FKBP5: variants seen among roughly 807,000 people sequenced by gnomAD.
The protein encoded by FKBP5 is peptidyl-prolyl cis-trans isomerase FKBP5.
Under a neutral mutation model 50.5 loss-of-function variants are expected in FKBP5, and 23 were observed. The ratio of observed to expected loss-of-function variants is 0.46; its 90% CI spans 0.33 to 0.65. FKBP5 has a LOEUF of 0.65. Ranked by LOEUF, FKBP5 falls within the 30% of genes least tolerant of loss-of-function variation. The pLI is 0.02. For missense variants in FKBP5, 411 were observed against 553.1 expected, an observed-to-expected ratio of 0.74 and a Z score of 2.58; for synonymous variants, 176 against 190.6, an observed-to-expected ratio of 0.92 and a Z score of 0.63.
At chr6:35,584,004 G>A (rs1005134503) in intron 8 of FKBP5, 3 of 985,192 alleles carry the variant, frequency 3.0e-6, no homozygotes, top group African/African-American at 1.7e-5. Flanking sequence ...ACAAGGGGGC[G>A]CAAGAATCCC....
At chr6:35,586,957 T>G (rs920596601) in intron 8 of FKBP5, 77 bp downstream of exon 8, 2 of 1,602,252 alleles carry the variant, frequency 1.2e-6, no homozygotes. Flanking sequence ...AAATTCAGAG[T>G]AGGGAATATC....
intron 2 of FKBP5, among the ~76,000 whole-genome samples, chr6:35,703,630 T>C (rs905442097): frequency 6.6e-6 from 1 of 152,240 alleles, no homozygotes; most frequent in East Asian, 1.9e-4. Flanking sequence ...CCAATTCTAA[T>C]TGGCCTTTCT....
chr6:35,688,602 A>C (rs1765906543), intron 1 of FKBP5: 1 of 150,698 alleles, frequency 6.6e-6, no homozygotes, highest in African/African-American at 2.4e-5. Flanking sequence ...GGGGCGCCGC[A>C]GTGGGGCCGA....
At chr6:35,617,974 T>C (rs1469496288) in intron 5 of FKBP5, among the ~76,000 whole-genome samples, 2 of 152,218 alleles carry the variant, frequency 1.3e-5, no homozygotes, top group Non-Finnish European at 2.9e-5. Context: ...TGATATGGAA[T>C]AGAATGAACA....
At chr6:35,707,048 G>A (rs1041373329) in intron 2 of FKBP5, among the ~76,000 whole-genome samples, 1 of 152,140 alleles carries the variant, frequency 6.6e-6, no homozygotes, top group Non-Finnish European at 1.5e-5. Flanking sequence ...TTTATGGAAA[G>A]ATATGCAAGA....
intron 2 of FKBP5, among the ~76,000 whole-genome samples, chr6:35,704,025 G>A (rs897958085): frequency 7.9e-5 from 12 of 152,224 alleles, no homozygotes; most frequent in East Asian, 7.7e-4. Flanking sequence ...CCCTCCCAAC[G>A]ATTCTGTGAG....
intron 1 of FKBP5, among the ~76,000 whole-genome samples, chr6:35,687,561 A>G (rs1404896738): frequency 4.6e-5 from 7 of 152,232 alleles, no homozygotes; most frequent in Non-Finnish European, 8.8e-5. Context: ...ATATGCTTTA[A>G]CTTTTCCCTT....
rs758929949 is a variant in FKBP5, at chr6:35,653,373, T to G, written c.-19-10530A>C. ...TCTCTTAATAAAAAAAGATGGATTC[T>G]AGGACTGTAGAATAGATAGTTAAAC... On this transcript the variant is annotated intron_variant, in intron 1 of 10. Coordinates refer to ENST00000357266, the MANE Select transcript of FKBP5 (RefSeq NM_004117.4). Among the ~76,000 whole-genome samples, 67 of 152,146 alleles carry G rather than the reference T, an allele frequency of 4.4e-4. 1 individual carries two copies. The highest frequency in any genetic ancestry group is 5.3e-4 in the Non-Finnish European group (36 of 68,036).
chr6:35,652,353 C>T (rs558695386), intron 1 of FKBP5, among the ~76,000 whole-genome samples: 6 of 152,298 alleles, frequency 3.9e-5, no homozygotes, highest in South Asian at 2.1e-4. Flanking sequence ...CTCTGACCGC[C>T]GGTGAGCCGG....
chr6:35,664,391 G>A (rs947666528), intron 1 of FKBP5, among the ~76,000 whole-genome samples: 72 of 151,686 alleles, frequency 4.7e-4, no homozygotes, highest in African/African-American at 1.6e-3. Flanking sequence ...CCCTTTTTCC[G>A]TTACCATATT....
chr6:35,597,113 C>T (rs1208106523), intron 6 of FKBP5, 135 bp downstream of exon 6: 14 of 907,730 alleles, frequency 1.5e-5, no homozygotes, highest in Non-Finnish European at 2.3e-5. Flanking sequence ...TACGTGATGA[C>T]TAACTGCAGC....
intron 1 of FKBP5, among the ~76,000 whole-genome samples, chr6:35,721,705 C>T (rs1766613993): frequency 1.3e-5 from 2 of 152,346 alleles, no homozygotes; most frequent in Non-Finnish European, 2.9e-5. Context: ...CTGCCCGCCT[C>T]GGCCTCCCAA....
intron 1 of FKBP5, among the ~76,000 whole-genome samples, chr6:35,652,383 CTCT>C (rs1476202734): frequency 1.3e-5 from 2 of 152,216 alleles, no homozygotes; most frequent in African/African-American, 4.8e-5. Context: ...AGCCATATTT[CTCT>C]TCTTTCAAAA....
intron 2 of FKBP5, among the ~76,000 whole-genome samples, chr6:35,700,226 T>A (rs973799012): frequency 3.4e-4 from 51 of 152,152 alleles, no homozygotes; most frequent in African/African-American, 1.2e-3. Context: ...AGTGGTGCAA[T>A]CTCGGCTCAC....
At chr6:35,666,671 A>C (rs966594925) in intron 1 of FKBP5, among the ~76,000 whole-genome samples, 7 of 152,064 alleles carry the variant, frequency 4.6e-5, no homozygotes, top group Admixed American at 6.6e-5. Flanking sequence ...CAGGCGGATC[A>C]CGAGTTCAAG....
At chr6:35,714,848 A>G (rs565322158) in intron 2 of FKBP5, among the ~76,000 whole-genome samples, 4 of 152,290 alleles carry the variant, frequency 2.6e-5, no homozygotes, top group East Asian at 1.9e-4. Flanking sequence ...TTCTATAAAA[A>G]TAAAATAGGT....
intron 3 of FKBP5, among the ~76,000 whole-genome samples, chr6:35,636,562 G>T (rs114697067): frequency 1.1e-4 from 17 of 152,182 alleles, no homozygotes; most frequent in Non-Finnish European, 2.1e-4. Flanking sequence ...ATATCAAAGT[G>T]ATGTGAAACT....
At chr6:35,585,074 T>C (rs1458144566) in intron 8 of FKBP5, 2 of 985,378 alleles carry the variant, frequency 2.0e-6, no homozygotes, top group Non-Finnish European at 2.4e-6. Context: ...TAGCACCGAT[T>C]AGAGCCTCTG....
intron 8 of FKBP5, 107 bp downstream of exon 8, chr6:35,586,927 C>G: frequency 3.2e-6 from 5 of 1,547,174 alleles, no homozygotes; most frequent in Non-Finnish European, 4.4e-6. Flanking sequence ...GCAGCTTATT[C>G]TTACCAAGCA....
Sources: gnomAD v4.1 joint callset for allele counts (sites outside exome capture counted in the v4.1 genomes callset) on GRCh38, gnomAD v4.1.1 for gene constraint, MANE v1.5 for transcripts, NCBI Gene and HGNC (gene_info 2026-07-23, HGNC 2026-07-21) for gene names.